GAD2: variants seen among roughly 807,000 people sequenced by gnomAD.
GAD2 encodes the protein 65 kDa glutamic acid decarboxylase.
In GAD2, 22 loss-of-function variants were observed where a neutral mutation model predicts 80.1. That is an observed-to-expected ratio of 0.27 (90% confidence interval 0.20 to 0.39). The LOEUF (loss-of-function observed/expected upper bound fraction) is 0.39, where lower values mean the gene tolerates loss of function less well. GAD2 is among the 10% of genes least tolerant of loss of function. The pLI, the probability that GAD2 is intolerant of heterozygous loss-of-function variation, is 1.00. For synonymous variants in GAD2, 274 were observed against 256.9 expected, an observed-to-expected ratio of 1.07 and a Z score of -0.64; for missense variants, 624 against 738.4, an observed-to-expected ratio of 0.85 and a Z score of 1.80.
chr10:26,217,709 G>A lies in GAD2; in HGVS notation c.136+40G>A, dbSNP rs1242652089. On this transcript the variant is annotated intron_variant, in intron 2 of 15. Coordinates refer to ENST00000376261, the MANE Select transcript of GAD2 (RefSeq NM_001134366.2). The surrounding 1 kb of genome is among the most constrained non-coding windows in gnomAD (Gnocchi z 4.9). Reference sequence around the variant, plus strand: ...ACCGGGGCGGCCAAGGTCGGCCCGCGGGGTCCAAGCAGTCTTCTCACCTCC... The same window carrying A: ...ACCGGGGCGGCCAAGGTCGGCCCGCAGGGTCCAAGCAGTCTTCTCACCTCC... The A allele has an allele frequency of 6.2e-7, 1 of 1,606,060 alleles. No individual in the cohort carries two copies. Among genetic ancestry groups the A allele is most frequent in the Non-Finnish European group, 8.5e-7 (1 of 1,175,856 alleles).
At chr10:26,294,767 G>A (rs1015136400) in intron 15 of GAD2, among the ~76,000 whole-genome samples, 4 of 152,144 alleles carry the variant, frequency 2.6e-5, no homozygotes, top group African/African-American at 4.8e-5. Context: ...AGTAGAGGTC[G>A]CATTGGATAA....
intron 7 of GAD2, among the ~76,000 whole-genome samples, chr10:26,230,769 T>C (rs1844591369): frequency 6.6e-6 from 1 of 151,936 alleles, no homozygotes; most frequent in Non-Finnish European, 1.5e-5. Flanking sequence ...TTGGCTGACT[T>C]GACCAGAGGT....
chr10:26,298,683 C>G (rs1207532337), intron 15 of GAD2, among the ~76,000 whole-genome samples: 1 of 152,134 alleles, frequency 6.6e-6, no homozygotes, highest in Non-Finnish European at 1.5e-5. Flanking sequence ...TTCTAAAGGG[C>G]AAGCGTGATT....
intron 3 of GAD2, chr10:26,218,212 C>T (rs1012841533): frequency 1.6e-5 from 7 of 439,632 alleles, no homozygotes; most frequent in African/African-American, 8.3e-5. Flanking sequence ...GCTCTGAGGC[C>T]GTGGCGCTCT....
intron 13 of GAD2, among the ~76,000 whole-genome samples, chr10:26,288,311 T>G (rs958129058): frequency 6.6e-6 from 1 of 152,202 alleles, no homozygotes. Context: ...CAGCTGAACT[T>G]TTTACATGTT....
At chr10:26,295,156 C>A (rs1030589792) in intron 15 of GAD2, among the ~76,000 whole-genome samples, 2 of 152,060 alleles carry the variant, frequency 1.3e-5, no homozygotes, top group Non-Finnish European at 2.9e-5. Flanking sequence ...CTTCAAATGC[C>A]TCCTAGGTTT....
chr10:26,232,960 A>G (rs1224169723), intron 7 of GAD2, among the ~76,000 whole-genome samples: 1 of 152,204 alleles, frequency 6.6e-6, no homozygotes, highest in Non-Finnish European at 1.5e-5. Context: ...ACTTTGGCCT[A>G]TCATTTGGGT....
chr10:26,299,945 T>A (rs1448348859), intron 15 of GAD2, among the ~76,000 whole-genome samples: 1 of 152,016 alleles, frequency 6.6e-6, no homozygotes, highest in East Asian at 1.9e-4. Context: ...TGATGACAAG[T>A]GTGAAGGGAT....
At chr10:26,234,819 G>C (rs1161805911) in intron 7 of GAD2, among the ~76,000 whole-genome samples, 1 of 152,084 alleles carries the variant, frequency 6.6e-6, no homozygotes, top group East Asian at 1.9e-4. Flanking sequence ...TCTCTGGCTA[G>C]CTGCTCTAAA....
intron 7 of GAD2, among the ~76,000 whole-genome samples, chr10:26,232,469 C>CTTTTTT (rs60636223): frequency 1.5e-4 from 15 of 101,410 alleles, no homozygotes; most frequent in African/African-American, 1.9e-4. Flanking sequence ...ACTCAGTCTA[C>CTTTTTT]TTTTTTTTTT....
At chr10:26,283,093 G>A in intron 12 of GAD2, among the ~76,000 whole-genome samples, 1 of 152,186 alleles carries the variant, frequency 6.6e-6, no homozygotes, top group Admixed American at 6.6e-5. Context: ...GCGAGCCGGA[G>A]GAAAATAGAA....
intron 7 of GAD2, among the ~76,000 whole-genome samples, chr10:26,236,008 G>A (rs1433567746): frequency 6.6e-6 from 1 of 152,206 alleles, no homozygotes; most frequent in Non-Finnish European, 1.5e-5. Flanking sequence ...GCCAAGCCTG[G>A]CCCACACCCA....
At position 26,258,742 on chromosome 10, in the gene GAD2, C is replaced by T. The variant is rs570965067; in HGVS notation, c.921-10377C>T. On this transcript the variant is annotated intron_variant, in intron 8 of 15. Coordinates refer to ENST00000376261, the MANE Select transcript of GAD2 (RefSeq NM_001134366.2). ...TTTTTAAGGCTGAATAATATTCCAT[C>T]GTATGTGTAGATCACATTTTGTTTA... 2.2e-3 allele frequency among the ~76,000 whole-genome samples: 331 copies of T among 151,836 alleles called. 2 individuals are homozygous for T. Among genetic ancestry groups the T allele is most frequent in the African/African-American group, 7.7e-3 (319 of 41,408 alleles).
intron 8 of GAD2, among the ~76,000 whole-genome samples, chr10:26,268,019 C>T (rs1049585476): frequency 3.9e-5 from 6 of 152,202 alleles, no homozygotes; most frequent in African/African-American, 1.4e-4. Flanking sequence ...CCACTCACTG[C>T]TCACTATATG....
chr10:26,232,840 G>C (rs73594330), intron 7 of GAD2, among the ~76,000 whole-genome samples: 1 of 152,022 alleles, frequency 6.6e-6, no homozygotes, highest in Non-Finnish European at 1.5e-5. Context: ...CAATTCGGCC[G>C]TATAACAACC....
Position 26,224,609 on chromosome 10 carries a change from A to G in GAD2, c.682A>G (p.Ile228Val), listed in dbSNP as rs762496645. 1.9e-6 allele frequency: 3 copies of G among 1,613,900 alleles called. No individual in the cohort carries two copies. Among genetic ancestry groups the G allele is most frequent in the South Asian group, 2.2e-5 (2 of 91,080 alleles). The change falls in exon 6 of 16, where the codon ATT (isoleucine) becomes GTT (valine). Residue 228 changes from isoleucine (I) to valine (V), a missense_variant. By Grantham distance (29) the Ile-to-Val change is conservative. Coordinates refer to ENST00000376261, the MANE Select transcript of GAD2 (RefSeq NM_001134366.2). ...YVTLKKMREI[I>V]GWPGGSGDGI... The stretch of plus-strand genomic sequence containing the variant: ...CACACTAAAGAAAATGAGAGAAATC[A>G]TTGGCTGGCCAGGGGGCTCTGGCGA...
chr10:26,218,551 T>TCTCACACACACACACACA (rs748110324), intron 3 of GAD2, among the ~76,000 whole-genome samples: 290 of 118,844 alleles, frequency 2.4e-3, no homozygotes, highest in East Asian at 0.012. Flanking sequence ...TCTCTCTCTC[T>TCTCACACACACACACACA]CACACACACA....
chr10:26,230,022 T>TA (rs1016917073), intron 7 of GAD2, among the ~76,000 whole-genome samples: 9 of 150,806 alleles, frequency 6.0e-5, no homozygotes, highest in South Asian at 2.1e-4. Context: ...ACAGAAAATT[T>TA]AAAAAAAATT....
chr10:26,226,750 A>T (rs549078475), intron 6 of GAD2, among the ~76,000 whole-genome samples: 1 of 152,244 alleles, frequency 6.6e-6, no homozygotes, highest in Admixed American at 6.5e-5. Context: ...TCATAGCTCC[A>T]TCAATAATAT....
Sources: allele counts gnomAD v4.1 joint callset (sites outside exome capture counted in the v4.1 genomes callset), GRCh38; gene constraint gnomAD v4.1.1; non-coding constraint Gnocchi (gnomAD v3.1); transcripts MANE v1.5; gene names NCBI Gene and HGNC (gene_info 2026-07-23, HGNC 2026-07-21).